Variants in HYKK observed in about 807,000 individuals in gnomAD.
The protein encoded by HYKK is hydroxylysine kinase.
HYKK carries 19 observed loss-of-function variants against 29.7 expected under a neutral mutation model. That is an observed-to-expected ratio of 0.64 (90% CI 0.45 to 0.94). The LOEUF (loss-of-function observed/expected upper bound fraction) is 0.94. HYKK is among the 40% of genes least tolerant of loss of function. The pLI is 0.00. For missense variants in HYKK, 390 were observed against 443.4 expected, an observed-to-expected ratio of 0.88 and a Z score of 1.08; for synonymous variants, 152 against 158.1, an observed-to-expected ratio of 0.96 and a Z score of 0.29.
At chr15:78,509,256 T>C (rs2052047820) in intron 1 of HYKK, among the ~76,000 whole-genome samples, 1 of 152,190 alleles carries the variant, frequency 6.6e-6, no homozygotes, top group Non-Finnish European at 1.5e-5. Context: ...TAGAGGAGAC[T>C]TTTAGTAATA....
intron 4 of HYKK, among the ~76,000 whole-genome samples, chr15:78,531,029 A>G (rs2052307027): frequency 6.6e-6 from 1 of 151,746 alleles, no homozygotes; most frequent in Non-Finnish European, 1.5e-5. Flanking sequence ...ACACCACGTA[A>G]TTTTTGTATT....
intron 3 of HYKK, among the ~76,000 whole-genome samples, chr15:78,520,083 T>C (rs1316312379): frequency 6.6e-6 from 1 of 152,222 alleles, no homozygotes; most frequent in Non-Finnish European, 1.5e-5. Context: ...CAACTTTAAG[T>C]TGTCTTACAG....
In HYKK at chr15:78,513,359, G is replaced by A. The variant is rs771215176; in HGVS notation, c.271G>A (p.Ala91Thr). Residue 91 changes from alanine to threonine, a missense_variant, in exon 2 of 5, where the codon GCT becomes ACT. Physicochemically the swap from Ala to Thr is moderately conservative, Grantham distance 58 (BLOSUM62 0). Transcript: ENST00000388988. ...TCACATCATCATGTTTCTGAAAGCC[G>A]CTGGATTTCCAACAGCCTCTGTGTG... ...QNHIIMFLKA[A>T]GFPTASVCHT... is the part of the protein sequence containing the mutation. The A allele has an allele frequency of 1.6e-5, 26 of 1,614,014 alleles. No homozygotes were observed. Among genetic ancestry groups the A allele is most frequent in the African/African-American group, 1.1e-4 (8 of 74,908 alleles).
rs11633027 is a variant in HYKK, at chr15:78,533,824, C to T, written c.*154C>T. ...ACAGAGCACATGAAATCCCTAAGGT[C>T]TTCAAGCAATCTCGTGACAATTTTT... On this transcript the variant is annotated 3_prime_UTR_variant, in exon 5 of 5. Coordinates refer to ENST00000388988, the MANE Select transcript of HYKK (RefSeq NM_001013619.4). 6,793 of 609,884 alleles carry T rather than the reference C, an allele frequency of 0.011. 52 individuals are homozygous for T. Among genetic ancestry groups the T allele is most frequent in the Middle Eastern group, 0.017 (43 of 2,558 alleles). 37.8% of individuals were successfully genotyped at this position (609,884 alleles called of 1,614,324 possible).
At chr15:78,524,669 C>G (rs774727240) in intron 3 of HYKK, among the ~76,000 whole-genome samples, 15 of 152,160 alleles carry the variant, frequency 9.9e-5, no homozygotes, top group Admixed American at 2.0e-4. Context: ...ATTAGCTGGG[C>G]CTGGTGGTGG....
chr15:78,508,917 A>ACCTG (rs1282592043), intron 1 of HYKK, among the ~76,000 whole-genome samples: 1 of 137,356 alleles, frequency 7.3e-6, no homozygotes, highest in Non-Finnish European at 1.5e-5. Flanking sequence ...GCATGGTGGC[A>ACCTG]CCTGCCTGCA....
chr15:78,528,773 GC>G, intron 4 of HYKK: 1 of 822,024 alleles, frequency 1.2e-6, no homozygotes, highest in Non-Finnish European at 1.5e-6. Context: ...CTGCACTCCA[GC>G]CTGGGCAACA....
At chr15:78,525,816 A>G (rs1457149155) in intron 3 of HYKK, among the ~76,000 whole-genome samples, 1 of 152,224 alleles carries the variant, frequency 6.6e-6, no homozygotes, top group African/African-American at 2.4e-5. Flanking sequence ...AATTTTTAAA[A>G]ACACCAGAAT....
At chr15:78,513,509 G>A in intron 2 of HYKK, 84 bp downstream of exon 2, 3 of 921,766 alleles carry the variant, frequency 3.3e-6, no homozygotes, top group Non-Finnish European at 5.0e-6. Context: ...TGAAGAGCAG[G>A]TTCATAATTC....
At chr15:78,520,670 C>T (rs1022012099) in intron 3 of HYKK, among the ~76,000 whole-genome samples, 1 of 152,212 alleles carries the variant, frequency 6.6e-6, no homozygotes, top group Non-Finnish European at 1.5e-5. Flanking sequence ...CATCCGATTT[C>T]TCAATGTTTT....
intron 3 of HYKK, among the ~76,000 whole-genome samples, chr15:78,525,744 C>G (rs571835938): frequency 3.3e-5 from 5 of 152,198 alleles, no homozygotes; most frequent in African/African-American, 1.2e-4. Flanking sequence ...AATGATCCAC[C>G]CACGTTGGCC....
chr15:78,518,660 A>G (rs767108649), intron 3 of HYKK: 6 of 450,606 alleles, frequency 1.3e-5, no homozygotes, highest in East Asian at 7.1e-5. Context: ...GCTTACGCCT[A>G]TAATCCCAGC....
intron 2 of HYKK, 115 bp downstream of exon 2, chr15:78,513,540 A>G: frequency 1.3e-6 from 1 of 759,602 alleles, no homozygotes; most frequent in South Asian, 1.8e-5. Context: ...TGTGGTTGTT[A>G]TTATTTTTTA....
chr15:78,515,931 G>T (rs867237237), intron 3 of HYKK, among the ~76,000 whole-genome samples: 1 of 152,234 alleles, frequency 6.6e-6, no homozygotes, highest in Middle Eastern at 3.4e-3. Flanking sequence ...TCTTACTGGT[G>T]TGTTGGAAAG....
rs368947400 is a variant in HYKK at position 78,514,972 on chromosome 15, T to C, written c.342T>C (p.Ser114=). The C allele has an allele frequency of 5.2e-5, 80 of 1,548,602 alleles. No individual in the cohort carries two copies. In the African/African-American group the frequency reaches 1.1e-3, roughly 21 times the overall value. The change falls in exon 3 of 5, where the codon AGT becomes AGC. Residue 114 remains serine (S), a synonymous_variant. Transcript: ENST00000388988. ...DNTASLVSVD[S]GSEIKSYLVR... is the part of the protein sequence containing the mutation. ...TATTTTATTCCATCCATTTAGATAG[T>C]GGCTCTGAAATCAAAAGCTACTTGG...
Position 78,534,401 on chromosome 15 carries a change from C to T in HYKK, c.*731C>T, listed in dbSNP as rs981433544. On this transcript the variant is annotated 3_prime_UTR_variant, in exon 5 of 5. Coordinates refer to ENST00000388988, the MANE Select transcript of HYKK (RefSeq NM_001013619.4). ...AGTAGCTGGGACTACAGGCGCCCACCACCACGCCCGGCTAATTTTTTTTGT... is the reference window on the plus strand; with the variant it reads ...AGTAGCTGGGACTACAGGCGCCCACTACCACGCCCGGCTAATTTTTTTTGT... The T allele has an allele frequency of 6.6e-6, 1 of 152,144 alleles. No individual in the cohort carries two copies. Among genetic ancestry groups the T allele is most frequent in the Non-Finnish European group, 1.5e-5 (1 of 68,080 alleles). The allele number at this position is 152,144 out of a possible 1,614,324, so 9.4% of individuals were successfully genotyped here.
intron 3 of HYKK, 57 bp from the exon 4 acceptor site, chr15:78,527,323 C>T (rs924965538): frequency 2.7e-4 from 398 of 1,454,122 alleles, no homozygotes; most frequent in Non-Finnish European, 3.6e-4. Context: ...CACCTCCCAC[C>T]TCTCTCAGCA....
intron 4 of HYKK, among the ~76,000 whole-genome samples, chr15:78,531,305 G>T (rs1011186646): frequency 2.0e-5 from 3 of 152,186 alleles, no homozygotes; most frequent in Non-Finnish European, 2.9e-5. Context: ...AATGGTTCAT[G>T]TGTGCTTTAA....
chr15:78,527,708 T>A, intron 4 of HYKK, 145 bp downstream of exon 4: 3 of 1,400,462 alleles, frequency 2.1e-6, no homozygotes, highest in Non-Finnish European at 2.8e-6. Context: ...AATAATAATA[T>A]TTTTACTTTC....
Sources: gnomAD v4.1 joint callset for allele counts (sites outside exome capture counted in the v4.1 genomes callset) on GRCh38, gnomAD v4.1.1 for gene constraint, MANE v1.5 for transcripts, NCBI Gene and HGNC (gene_info 2026-07-23, HGNC 2026-07-21) for gene names.